The following PDE5A variants were observed in gnomAD, a reference collection of about 807,000 sequenced individuals.
PDE5A encodes the protein phosphodiesterase 5A.
Under a neutral mutation model 110.2 loss-of-function variants are expected in PDE5A, and 67 were observed. That is an observed-to-expected ratio of 0.61 (90% confidence interval 0.50 to 0.75). PDE5A has a LOEUF of 0.75. PDE5A is among the 30% of genes least tolerant of loss of function. The probability of loss-of-function intolerance (pLI) is 0.00; values close to 1 mark genes in which losing one functional copy is unlikely to be tolerated. For synonymous variants in PDE5A, 328 were observed against 351.2 expected (o/e 0.93, Z 0.74); for missense variants, 862 against 1,045.1 (o/e 0.82, Z 2.42).
In PDE5A at chr4:119,562,823, C is replaced by T; in HGVS notation, c.1131+10G>A. 1 of 1,551,160 alleles carries T rather than the reference C, an allele frequency of 6.4e-7. No homozygotes were observed. The highest frequency in any genetic ancestry group is 8.7e-7 in the Non-Finnish European group (1 of 1,154,886). On this transcript the variant is annotated intron_variant, in intron 6 of 20. Coordinates refer to ENST00000354960, the MANE Select transcript of PDE5A (RefSeq NM_001083.4). ...TTTCTAAAAATAAAAAAGTCATACTCTGTACTCACGGAGCAATCTTCATCC... is the reference window on the plus strand; with the variant it reads ...TTTCTAAAAATAAAAAAGTCATACTTTGTACTCACGGAGCAATCTTCATCC...
intron 11 of PDE5A, among the ~76,000 whole-genome samples, chr4:119,536,420 T>C (rs1462926366): frequency 6.6e-6 from 1 of 152,138 alleles, no homozygotes; most frequent in Non-Finnish European, 1.5e-5. Flanking sequence ...ACCAAACATA[T>C]TGCTCGAAAA....
intron 17 of PDE5A, among the ~76,000 whole-genome samples, chr4:119,505,370 C>T (rs1250165222): frequency 6.6e-6 from 1 of 151,888 alleles, no homozygotes; most frequent in Non-Finnish European, 1.5e-5. Context: ...TCTAGATTTT[C>T]AGCTGTGTTC....
At chr4:119,566,666 C>T (rs748599845) in intron 4 of PDE5A, among the ~76,000 whole-genome samples, 3 of 152,148 alleles carry the variant, frequency 2.0e-5, no homozygotes, top group African/African-American at 2.4e-5. Flanking sequence ...AAATTTGCTA[C>T]GCCAGGAGGC....
chr4:119,608,188 G>C (rs999984995), intron 1 of PDE5A, among the ~76,000 whole-genome samples: 1 of 152,062 alleles, frequency 6.6e-6, no homozygotes, highest in Non-Finnish European at 1.5e-5. Context: ...TGGTAAAAAA[G>C]ATCTATTTTT....
chr4:119,521,378 T>A (rs1726123038), intron 12 of PDE5A, among the ~76,000 whole-genome samples: 1 of 151,780 alleles, frequency 6.6e-6, no homozygotes, highest in Non-Finnish European at 1.5e-5. Context: ...TAGGTTTTTT[T>A]TTTTTTTAAT....
At chr4:119,516,463 C>A in intron 14 of PDE5A, among the ~76,000 whole-genome samples, 1 of 152,208 alleles carries the variant, frequency 6.6e-6, no homozygotes, top group East Asian at 1.9e-4. Context: ...AATGCATCTA[C>A]AACAGTCTTC....
At chr4:119,579,691 G>A (rs1451780906) in intron 3 of PDE5A, among the ~76,000 whole-genome samples, 3 of 151,894 alleles carry the variant, frequency 2.0e-5, no homozygotes, top group African/African-American at 7.3e-5. Context: ...GGCCTGTTGT[G>A]GGGTGGGGGG....
intron 3 of PDE5A, among the ~76,000 whole-genome samples, chr4:119,567,852 C>G (rs1285112710): frequency 2.0e-5 from 3 of 152,114 alleles, no homozygotes; most frequent in Admixed American, 2.0e-4. Context: ...CTATAAAGAC[C>G]TTCAACTTAC....
intron 6 of PDE5A, 139 bp downstream of exon 6, chr4:119,562,694 T>G (rs2110505178): frequency 1.8e-6 from 1 of 568,252 alleles, no homozygotes; most frequent in East Asian, 3.2e-5. Flanking sequence ...GCTCATACCC[T>G]GATTAGTTTT....
rs201675470 is a variant in PDE5A, at chr4:119,542,516, G to A, written c.1515C>T (p.Asn505=). ...TCTCCACTGCTTCATACATCTGCGT[G>A]TTCTGGATCCCCAAGCCACAAAAGA... ...FVIFCGLGIQ[N]TQMYEAVERA... The change falls in exon 10 of 21, where the codon AAC becomes AAT. Residue 505 remains asparagine (N), a synonymous_variant. Transcript: ENST00000354960. 1.9e-6 allele frequency: 3 copies of A among 1,613,960 alleles called. No individual in the cohort carries two copies. The highest frequency in any genetic ancestry group is 2.5e-6 in the Non-Finnish European group (3 of 1,179,934).
At chr4:119,615,795 T>A (rs1469152058) in intron 1 of PDE5A, among the ~76,000 whole-genome samples, 1 of 152,128 alleles carries the variant, frequency 6.6e-6, no homozygotes, top group Admixed American at 6.6e-5. Context: ...CCTGCAAACC[T>A]GGAAGCAATC....
rs949453469 is a variant in PDE5A at position 119,503,034 on chromosome 4, T to C, written c.2332-379A>G. 1.3e-4 allele frequency among the ~76,000 whole-genome samples: 20 copies of C among 152,294 alleles called. 1 individual carries two copies. Among genetic ancestry groups the C allele is most frequent in the Admixed American group, 1.2e-3 (19 of 15,278 alleles). On this transcript the variant is annotated intron_variant, in intron 18 of 20. Transcript: ENST00000354960. ...ATTCTCTTACCTGGTTAGAAATAAA[T>C]AGGCATATAGTCCTGTTTATTATGG... is the stretch of plus-strand genomic sequence containing the variant.
intron 12 of PDE5A, among the ~76,000 whole-genome samples, chr4:119,522,729 T>C (rs1726173072): frequency 6.6e-6 from 1 of 152,038 alleles, no homozygotes; most frequent in African/African-American, 2.4e-5. Context: ...TAGATTCTGT[T>C]ACCAGGATGT....
intron 9 of PDE5A, among the ~76,000 whole-genome samples, chr4:119,544,506 C>T (rs1727064059): frequency 6.6e-6 from 1 of 152,146 alleles, no homozygotes; most frequent in African/African-American, 2.4e-5. Flanking sequence ...TGTGAATCCC[C>T]AAAATATAAA....
Position 119,627,228 on chromosome 4 carries a change from G to T in PDE5A, c.152+1292C>A. Reference sequence around the variant, plus strand: ...CTCCGCCGATCCTGGACTCCAGGAGGCTCCGTAGGGGCAACAACGCGCGCA... The same window carrying T: ...CTCCGCCGATCCTGGACTCCAGGAGTCTCCGTAGGGGCAACAACGCGCGCA... On this transcript the variant is annotated intron_variant, in intron 1 of 20. Transcript: ENST00000354960. This position sits in a 1 kb window ranked among gnomAD's most constrained non-coding sequence, Gnocchi z 4.6. 1 of 1,609,624 alleles carries T rather than the reference G, an allele frequency of 6.2e-7. No homozygotes were observed. Among genetic ancestry groups the T allele is most frequent in the Non-Finnish European group, 8.5e-7 (1 of 1,177,656 alleles).
chr4:119,570,677 A>G (rs1040310194), intron 3 of PDE5A, among the ~76,000 whole-genome samples: 4 of 152,060 alleles, frequency 2.6e-5, no homozygotes, highest in African/African-American at 9.7e-5. Context: ...TGCCCCAGAC[A>G]TTTACTGAGG....
rs2110505466 is a variant in PDE5A at position 119,562,956 on chromosome 4, A to G, written c.1008T>C (p.Leu336=). ...GTTGTTCTTCAAAAATTAAACTAGC[A>G]AGGTCAAGCAGCACCTAGACAAAAA... ...ENKRNQVLLD[L]ASLIFEEQQS... Residue 336 remains leucine (L), a synonymous_variant, in exon 6 of 21, where the codon CTT becomes CTC. Transcript: ENST00000354960. 6.3e-7 allele frequency: 1 copy of G among 1,589,608 alleles called. No homozygotes were observed. The highest frequency in any genetic ancestry group is 2.3e-5 in the East Asian group (1 of 44,250).
At chr4:119,581,438 C>A (rs374563766) in intron 3 of PDE5A, among the ~76,000 whole-genome samples, 1 of 151,962 alleles carries the variant, frequency 6.6e-6, no homozygotes, top group African/African-American at 2.4e-5. Flanking sequence ...TGTGTGTGTG[C>A]GTGTATATAT....
At chr4:119,592,181 C>T (rs184304853) in intron 3 of PDE5A, among the ~76,000 whole-genome samples, 3,515 of 121,750 alleles carry the variant, frequency 0.029, 65 homozygotes, top group South Asian at 0.066. Context: ...AAAAGCCGGG[C>T]GTGGTGGCTC....
Sources: allele counts gnomAD v4.1 joint callset (sites outside exome capture counted in the v4.1 genomes callset), GRCh38; gene constraint gnomAD v4.1.1; non-coding constraint Gnocchi (gnomAD v3.1); transcripts MANE v1.5; gene names NCBI Gene and HGNC (gene_info 2026-07-23, HGNC 2026-07-21).